TRPV3: variants seen among roughly 807,000 people sequenced by gnomAD.
TRPV3 encodes the protein VRL-3.
TRPV3 carries 88 observed loss-of-function variants against 87.1 expected under a neutral mutation model. The ratio of observed to expected loss-of-function variants is 1.01; its 90% CI spans 0.85 to 1.21. The LOEUF (loss-of-function observed/expected upper bound fraction) is 1.21. Ranked by LOEUF, TRPV3 falls within the 50% of genes most tolerant of loss-of-function variation. TRPV3 has a pLI of 0.00. For missense variants in TRPV3, 1,054 were observed against 1,030.1 expected (o/e 1.02, Z -0.32); for synonymous variants, 438 against 423.3 (o/e 1.03, Z -0.43).
At position 3,510,880 on chromosome 17, in the gene TRPV3, A is replaced by G. The variant is rs2074104407; in HGVS notation, c.*3037T>C. 2 of 152,278 alleles carry G rather than the reference A, an allele frequency of 1.3e-5. No individual in the cohort carries two copies. Among genetic ancestry groups the G allele is most frequent in the South Asian group, 4.1e-4 (2 of 4,836 alleles). 9.4% of individuals were successfully genotyped at this position (152,278 alleles called of 1,614,324 possible). On this transcript the variant is annotated 3_prime_UTR_variant, in exon 18 of 18. Coordinates refer to ENST00000576742, the MANE Select transcript of TRPV3 (RefSeq NM_145068.4). ...CTCTCTCAGGCTGGAGCCTTCTAAG[A>G]GCCTGAAGACTTCACAGTACAACCT...
chr17:3,524,808 C>G lies in TRPV3; in HGVS notation c.1578-445G>C, dbSNP rs74325581. Among the ~76,000 whole-genome samples the G allele has an allele frequency of 4.9e-5, 4 of 81,858 alleles. No individual in the cohort carries two copies. The Admixed American group carries it at 5.2e-4, about 11-fold the overall frequency. The allele number at this position is 81,858 out of a possible 152,430, so 53.7% of individuals were successfully genotyped here. On this transcript the variant is annotated intron_variant, in intron 12 of 17. Transcript: ENST00000576742. ...GTGACATAGTGAGACCTTGTCTCTA[C>G]AAAAAAAAAAAAAAAAAGAAAAGAA... is the stretch of plus-strand genomic sequence containing the variant.
chr17:3,548,332 A>G (rs2074544164), intron 2 of TRPV3, among the ~76,000 whole-genome samples: 1 of 152,152 alleles, frequency 6.6e-6, no homozygotes. Context: ...CAGCTCATCC[A>G]TGGTCACCCC....
At chr17:3,545,862 C>T (rs1316071900) in intron 2 of TRPV3, among the ~76,000 whole-genome samples, 3 of 149,122 alleles carry the variant, frequency 2.0e-5, no homozygotes, top group Non-Finnish European at 4.4e-5. Flanking sequence ...TGATGGCAGG[C>T]ACCTGTAACC....
intron 2 of TRPV3, 68 bp from the exon 3 acceptor site, chr17:3,545,339 C>T: frequency 7.9e-7 from 1 of 1,263,936 alleles, no homozygotes; most frequent in Non-Finnish European, 1.1e-6. Context: ...TGTCCTGCCT[C>T]CTGGCCCCAG....
In TRPV3 at chr17:3,524,267, G is replaced by T. The variant is rs1042072216; in HGVS notation, c.1674C>A (p.Gly558=). The stretch of plus-strand genomic sequence containing the variant: ...GCGTATAGTAGAGCATGTTCGCCCA[G>T]CCCAGGGCCATGGCCAGCACGAGGC... ...LACLVLAMAL[G]WANMLYYTRG... The change falls in exon 13 of 18, where the codon GGC becomes GGA. Residue 558 remains glycine, a synonymous_variant. Transcript: ENST00000576742. 30 of 1,614,118 alleles carry T rather than the reference G, an allele frequency of 1.9e-5. No individual in the cohort carries two copies. The highest frequency in any genetic ancestry group is 2.3e-5 in the Non-Finnish European group (27 of 1,180,050).
At chr17:3,549,115 AT>A (rs1488579371) in intron 2 of TRPV3, among the ~76,000 whole-genome samples, 1 of 152,062 alleles carries the variant, frequency 6.6e-6, no homozygotes, top group African/African-American at 2.4e-5. Context: ...CCTGGTTGAG[AT>A]TTGCCAAATT....
intron 9 of TRPV3, 126 bp downstream of exon 9, chr17:3,529,901 G>T: frequency 9.3e-7 from 1 of 1,079,140 alleles, no homozygotes; most frequent in Non-Finnish European, 1.3e-6. Context: ...TGAGGCAACA[G>T]AGTGGGGTAT....
intron 2 of TRPV3, chr17:3,553,943 G>C (rs2074601841): frequency 6.6e-6 from 1 of 152,608 alleles, no homozygotes; most frequent in African/African-American, 2.4e-5. Flanking sequence ...AGTGGGCTGG[G>C]GGACAGCGTG....
chr17:3,538,773 T>C (rs983466056), intron 6 of TRPV3, among the ~76,000 whole-genome samples: 4 of 152,120 alleles, frequency 2.6e-5, no homozygotes, highest in Admixed American at 2.0e-4. Context: ...TTAGTAGAGA[T>C]GGGTTTTCAC....
chr17:3,528,225 G>T lies in TRPV3; in HGVS notation c.1402-99C>A. 1 of 845,750 alleles carries T rather than the reference G, an allele frequency of 1.2e-6. No individual in the cohort carries two copies. Among genetic ancestry groups the T allele is most frequent in the Non-Finnish European group, 1.8e-6 (1 of 548,282 alleles). The allele number at this position is 845,750 out of a possible 1,614,324, so 52.4% of individuals were successfully genotyped here. On this transcript the variant is annotated intron_variant, in intron 10 of 17. Coordinates refer to ENST00000576742, the MANE Select transcript of TRPV3 (RefSeq NM_145068.4). The surrounding 1 kb of genome is among the most constrained non-coding windows in gnomAD (Gnocchi z 4.2). The stretch of plus-strand genomic sequence containing the variant: ...AAAACCCAGGTGAAACACTCAAGCC[G>T]GGCCAGAGACCAGCATGAAACCTGA...
intron 6 of TRPV3, 22 bp from the exon 7 acceptor site, chr17:3,535,735 G>A: frequency 6.8e-7 from 1 of 1,461,996 alleles, no homozygotes; most frequent in Non-Finnish European, 9.0e-7. Context: ...GCGGGGACGC[G>A]CGGGAGCCTC....
rs905816382 is a variant in TRPV3 at position 3,557,408 on chromosome 17, C to A, written c.-3+268G>T. ...CCCAGCAGTGGTGAGATTGAGATGT[C>A]CCTCCCCAGGATTCCCAAACCTCAG... On this transcript the variant is annotated intron_variant, in intron 1 of 17. Coordinates refer to ENST00000576742, the MANE Select transcript of TRPV3 (RefSeq NM_145068.4). The surrounding 1 kb of genome is among the most constrained non-coding windows in gnomAD (Gnocchi z 4.5). Among the ~76,000 whole-genome samples, 1 of 152,156 alleles carries A rather than the reference C, an allele frequency of 6.6e-6. No homozygotes were observed. The highest frequency in any genetic ancestry group is 6.5e-5 in the Admixed American group (1 of 15,278).
intron 9 of TRPV3, among the ~76,000 whole-genome samples, 194 bp downstream of exon 9, chr17:3,529,833 A>G (rs965704469): frequency 6.8e-6 from 1 of 146,488 alleles, no homozygotes; most frequent in Non-Finnish European, 1.5e-5. Flanking sequence ...TCAATCAGGA[A>G]GAGTCGGGCC....
intron 2 of TRPV3, among the ~76,000 whole-genome samples, chr17:3,549,555 A>T (rs2074553922): frequency 6.6e-6 from 1 of 152,244 alleles, no homozygotes; most frequent in South Asian, 2.1e-4. Context: ...TGAGTGAAAG[A>T]TGAATGAGTG....
intron 2 of TRPV3, among the ~76,000 whole-genome samples, chr17:3,551,651 T>A (rs146049626): frequency 4.1e-5 from 6 of 146,652 alleles, no homozygotes; most frequent in South Asian, 2.3e-4. Flanking sequence ...CTCCACAGCC[T>A]CCATCAGTCT....
rs2074613475 is a variant in TRPV3, at chr17:3,554,941, T to A, written c.-2-89A>T. On this transcript the variant is annotated intron_variant, in intron 1 of 17. Coordinates refer to ENST00000576742, the MANE Select transcript of TRPV3 (RefSeq NM_145068.4). ...GGGGCCCCATGTGGCTGCATCCAGC[T>A]CCCGTTCACACTACCTGGAACTGGA... 6.8e-6 allele frequency: 5 copies of A among 729,986 alleles called. No individual in the cohort carries two copies. The Admixed American group carries it at 1.2e-4, about 18-fold the overall frequency. The allele number at this position is 729,986 out of a possible 1,614,324, so 45.2% of individuals were successfully genotyped here. A position where few individuals can be genotyped will look rare whatever the true frequency, so the allele number is the denominator to read the frequency against.
chr17:3,538,583 A>T (rs1021358135), intron 6 of TRPV3, among the ~76,000 whole-genome samples: 18 of 137,884 alleles, frequency 1.3e-4, no homozygotes, highest in African/African-American at 5.0e-4. Context: ...TTATTTATTT[A>T]AAAAAAAATT....
intron 4 of TRPV3, 32 bp from the exon 5 acceptor site, chr17:3,543,660 A>G (rs1452372063): frequency 6.2e-7 from 1 of 1,611,430 alleles, no homozygotes; most frequent in South Asian, 1.1e-5. Context: ...AACTCAACAC[A>G]CACATCCTCT....
intron 7 of TRPV3, among the ~76,000 whole-genome samples, chr17:3,534,572 C>T (rs768051899): frequency 1.1e-4 from 17 of 152,058 alleles, no homozygotes; most frequent in Non-Finnish European, 1.2e-4. Context: ...ACCAACTCGA[C>T]GCACTGTGAA....
Sources: gnomAD v4.1 joint callset for allele counts (sites outside exome capture counted in the v4.1 genomes callset) on GRCh38, gnomAD v4.1.1 for gene constraint, Gnocchi (gnomAD v3.1) non-coding constraint, MANE v1.5 for transcripts, NCBI Gene and HGNC (gene_info 2026-07-23, HGNC 2026-07-21) for gene names.